The following CDIN1 variants were observed in gnomAD, a reference collection of about 807,000 sequenced individuals.
CDIN1 encodes the protein CDAN1 interacting nuclease 1, also known as CDAN1-interacting nuclease 1.
In CDIN1, 33 loss-of-function variants were observed where a neutral mutation model predicts 45.3. The ratio of observed to expected loss-of-function variants is 0.73; its 90% CI spans 0.55 to 0.97. The LOEUF (loss-of-function observed/expected upper bound fraction) is 0.97, where lower values mean the gene tolerates loss of function less well. Among genes scored for constraint, CDIN1 ranks in the 50% least tolerant of loss-of-function variants. CDIN1 has a pLI of 0.00. For synonymous variants in CDIN1, 118 were observed against 124.4 expected (o/e 0.95, Z 0.34); for missense variants, 303 against 339.4 (o/e 0.89, Z 0.84).
intron 5 of CDIN1, among the ~76,000 whole-genome samples, chr15:36,677,923 C>T (rs186966704): frequency 1.3e-5 from 2 of 152,318 alleles, no homozygotes; most frequent in Admixed American, 1.3e-4. Context: ...GGATTGGTGG[C>T]ATATAGCGGC....
chr15:36,744,675 A>G (rs1170525447), intron 10 of CDIN1, among the ~76,000 whole-genome samples: 2 of 152,200 alleles, frequency 1.3e-5, no homozygotes, highest in Non-Finnish European at 2.9e-5. Context: ...GATAAAATAA[A>G]TCTCTATAAA....
intron 10 of CDIN1, among the ~76,000 whole-genome samples, chr15:36,720,472 CT>C (rs998679915): frequency 6.7e-6 from 1 of 148,164 alleles, no homozygotes; most frequent in Admixed American, 6.8e-5. Flanking sequence ...ATTCCCCACC[CT>C]GTGTCCAAGT....
chr15:36,809,029 C>T lies in CDIN1; in HGVS notation c.*576C>T, dbSNP rs747845750. ...CCAGAAGACCTTGATGGCAGCCTGC[C>T]TATGCTGTGTGTTTGCTATATTCAA... On this transcript the variant is annotated 3_prime_UTR_variant, in exon 11 of 11. Coordinates refer to ENST00000566621, the MANE Select transcript of CDIN1 (RefSeq NM_001321759.2). 12 of 453,008 alleles carry T rather than the reference C, an allele frequency of 2.6e-5. No individual in the cohort carries two copies. Among genetic ancestry groups the T allele is most frequent in the Non-Finnish European group, 4.4e-5 (10 of 225,322 alleles). The allele number at this position is 453,008 out of a possible 1,614,324, so 28.1% of individuals were successfully genotyped here. A position where few individuals can be genotyped will look rare whatever the true frequency, so the allele number is the denominator to read the frequency against.
At chr15:36,723,734 G>A (rs72706783) in intron 10 of CDIN1, among the ~76,000 whole-genome samples, 12,240 of 152,130 alleles carry the variant, frequency 0.08, 623 homozygotes, top group Non-Finnish European at 0.12. Flanking sequence ...CTGGCCTGCT[G>A]TATTCCTAAT....
chr15:36,726,705 A>T (rs1241646368), intron 10 of CDIN1, among the ~76,000 whole-genome samples: 2 of 152,186 alleles, frequency 1.3e-5, no homozygotes, highest in African/African-American at 4.8e-5. Flanking sequence ...TAACATTGCA[A>T]CCCACCACTC....
At chr15:36,785,322 T>G (rs538264889) in intron 10 of CDIN1, among the ~76,000 whole-genome samples, 2 of 152,320 alleles carry the variant, frequency 1.3e-5, no homozygotes, top group African/African-American at 4.8e-5. Context: ...CAATAGTCTG[T>G]CTGATGCTCT....
chr15:36,593,651 C>A (rs1261291562), intron 1 of CDIN1, among the ~76,000 whole-genome samples: 1 of 152,124 alleles, frequency 6.6e-6, no homozygotes, highest in Non-Finnish European at 1.5e-5. Context: ...GCAGACTCCA[C>A]CTCCTGGGTT....
chr15:36,584,094 G>A (rs1032627922), intron 1 of CDIN1, among the ~76,000 whole-genome samples: 1 of 152,148 alleles, frequency 6.6e-6, no homozygotes, highest in Non-Finnish European at 1.5e-5. Context: ...GCCTAAACAA[G>A]TAAGATAATT....
At chr15:36,733,840 A>G (rs2043918690) in intron 10 of CDIN1, among the ~76,000 whole-genome samples, 1 of 152,184 alleles carries the variant, frequency 6.6e-6, no homozygotes, top group African/African-American at 2.4e-5. Context: ...GCGTGGTTTC[A>G]AGAACTGTCA....
intron 3 of CDIN1, among the ~76,000 whole-genome samples, chr15:36,647,175 C>T (rs1050367868): frequency 6.6e-6 from 1 of 151,350 alleles, no homozygotes; most frequent in African/African-American, 2.4e-5. Flanking sequence ...AGGTGCACAC[C>T]ACCATGGCCA....
rs1484862142 is a variant in CDIN1 at position 36,580,424 on chromosome 15, C to CTGTTA, written c.101+464_101+468dup. Among the ~76,000 whole-genome samples the CTGTTA allele has an allele frequency of 3.3e-5, 5 of 152,146 alleles. No individual in the cohort carries two copies. The East Asian group carries it at 9.6e-4, about 29-fold the overall frequency. On this transcript the variant is annotated intron_variant, in intron 1 of 10. Coordinates refer to ENST00000566621, the MANE Select transcript of CDIN1 (RefSeq NM_001321759.2). ...TCATACTGTTTGACTGTGGCTTGTA[C>CTGTTA]TGTTAACTGTGGAATTAAGTGACCT...
chr15:36,671,259 G>A (rs566300900), intron 5 of CDIN1, among the ~76,000 whole-genome samples: 5 of 152,192 alleles, frequency 3.3e-5, no homozygotes, highest in East Asian at 3.9e-4. Context: ...CATCTGTTGC[G>A]TGTTCTTTGA....
At chr15:36,663,775 C>A (rs1394752098) in intron 5 of CDIN1, among the ~76,000 whole-genome samples, 2 of 152,154 alleles carry the variant, frequency 1.3e-5, no homozygotes, top group South Asian at 2.1e-4. Context: ...TAAATCAACT[C>A]TCATTTATTT....
chr15:36,616,846 A>G (rs1171571502), intron 1 of CDIN1, among the ~76,000 whole-genome samples: 1 of 151,984 alleles, frequency 6.6e-6, no homozygotes, highest in Non-Finnish European at 1.5e-5. Context: ...ACTTGCTTGG[A>G]CCTGGGAGGC....
At chr15:36,774,136 G>A (rs896872594) in intron 10 of CDIN1, among the ~76,000 whole-genome samples, 5 of 66,038 alleles carry the variant, frequency 7.6e-5, no homozygotes, top group Non-Finnish European at 1.9e-4. Context: ...TGACAGGGGT[G>A]TGTGTGTGTG....
chr15:36,738,620 C>T (rs2044119059), intron 10 of CDIN1, among the ~76,000 whole-genome samples: 1 of 152,198 alleles, frequency 6.6e-6, no homozygotes, highest in Non-Finnish European at 1.5e-5. Flanking sequence ...TTTGTGCTGA[C>T]TCCCTGTTAC....
rs2140141948 is a variant in CDIN1, at chr15:36,579,706, C to G, written c.-155C>G. 1.7e-6 allele frequency: 1 copy of G among 600,700 alleles called. No homozygotes were observed. Among genetic ancestry groups the G allele is most frequent in the Non-Finnish European group, 2.9e-6 (1 of 344,830 alleles). 37.2% of individuals were successfully genotyped at this position (600,700 alleles called of 1,614,324 possible). A position where few individuals can be genotyped will look rare whatever the true frequency, so the allele number is the denominator to read the frequency against. On this transcript the variant is annotated 5_prime_UTR_variant, in exon 1 of 11. Coordinates refer to ENST00000566621, the MANE Select transcript of CDIN1 (RefSeq NM_001321759.2). ...GCGAGTCTCCGCCCCGCTTTTGCAG[C>G]TAGGGGTGTGTTTCAGGGGGGATTG...
At chr15:36,607,987 T>G (rs1213051785) in intron 1 of CDIN1, among the ~76,000 whole-genome samples, 1 of 152,246 alleles carries the variant, frequency 6.6e-6, no homozygotes, top group Non-Finnish European at 1.5e-5. Flanking sequence ...TAACGTAGCG[T>G]AATGTTTTTG....
intron 1 of CDIN1, among the ~76,000 whole-genome samples, chr15:36,611,731 T>G (rs1043937719): frequency 6.6e-6 from 1 of 152,220 alleles, no homozygotes; most frequent in Non-Finnish European, 1.5e-5. Flanking sequence ...GATCATGTCT[T>G]GAACTAAAAA....
Sources: allele counts gnomAD v4.1 joint callset (sites outside exome capture counted in the v4.1 genomes callset), GRCh38; gene constraint gnomAD v4.1.1; transcripts MANE v1.5; gene names NCBI Gene and HGNC (gene_info 2026-07-23, HGNC 2026-07-21).